The following SH3GL2 variants were observed in gnomAD, a reference collection of about 807,000 sequenced individuals.
SH3GL2 encodes SH3 domain containing GRB2 like 2, endophilin A1.
A neutral mutation model predicts 46.0 loss-of-function variants in SH3GL2; 24 were observed. That is an observed-to-expected ratio of 0.52 (90% CI 0.38 to 0.73). SH3GL2 has a LOEUF of 0.73. SH3GL2 is among the 30% of genes least tolerant of loss of function. The probability of loss-of-function intolerance (pLI) is 0.00; values close to 1 mark genes in which losing one functional copy is unlikely to be tolerated. For missense variants in SH3GL2, 413 were observed against 424.2 expected, an observed-to-expected ratio of 0.97 and a Z score of 0.23; for synonymous variants, 196 against 147.1, an observed-to-expected ratio of 1.33 and a Z score of -2.40.
chr9:17,700,094 C>T (rs1199518510), intron 1 of SH3GL2, among the ~76,000 whole-genome samples: 1 of 152,118 alleles, frequency 6.6e-6, no homozygotes, highest in African/African-American at 2.4e-5. Context: ...AGAAGAAGAA[C>T]ATATGGTCAT....
intron 2 of SH3GL2, among the ~76,000 whole-genome samples, chr9:17,756,266 C>A (rs1350216892): frequency 1.3e-5 from 2 of 151,926 alleles, no homozygotes; most frequent in South Asian, 2.1e-4. Context: ...GTTTTTATTA[C>A]CTAAAAAACA....
intron 1 of SH3GL2, among the ~76,000 whole-genome samples, chr9:17,640,078 A>G (rs1224121816): frequency 2.6e-5 from 4 of 152,172 alleles, no homozygotes; most frequent in Non-Finnish European, 5.9e-5. Context: ...GTTGTGTGCA[A>G]TTATGAACAC....
intron 1 of SH3GL2, among the ~76,000 whole-genome samples, chr9:17,603,825 A>G (rs1189937319): frequency 1.3e-5 from 2 of 152,176 alleles, no homozygotes; most frequent in Non-Finnish European, 2.9e-5. Context: ...AGATCGTGCC[A>G]TTGCACTCCA....
chr9:17,679,268 G>A (rs1410530762), intron 1 of SH3GL2, among the ~76,000 whole-genome samples: 1 of 152,186 alleles, frequency 6.6e-6, no homozygotes, highest in Non-Finnish European at 1.5e-5. Context: ...CCATGAGCAT[G>A]GAATGTTCTT....
chr9:17,722,036 C>T (rs1007252111), intron 1 of SH3GL2, among the ~76,000 whole-genome samples: 4 of 152,040 alleles, frequency 2.6e-5, no homozygotes, highest in African/African-American at 9.7e-5. Flanking sequence ...GAAGGATTCA[C>T]TCTCTCTACG....
intron 1 of SH3GL2, among the ~76,000 whole-genome samples, chr9:17,599,318 G>A (rs1317426408): frequency 6.6e-6 from 1 of 152,166 alleles, no homozygotes; most frequent in Non-Finnish European, 1.5e-5. Context: ...GAGTAGCAAA[G>A]GATCCTAAAG....
chr9:17,621,176 C>T lies in SH3GL2; in HGVS notation c.45+41889C>T, dbSNP rs1819130739. 3.9e-5 allele frequency among the ~76,000 whole-genome samples: 6 copies of T among 152,162 alleles called. No individual in the cohort carries two copies. The South Asian group carries it at 1.2e-3, about 32-fold the overall frequency. ...TATCATGATTTGGGTTATCAATAAT[C>T]TGTGAATGTATAGATTGTTGCCATT... On this transcript the variant is annotated intron_variant, in intron 1 of 8. Coordinates refer to ENST00000380607, the MANE Select transcript of SH3GL2 (RefSeq NM_003026.5).
At chr9:17,659,053 G>C (rs531221553) in intron 1 of SH3GL2, among the ~76,000 whole-genome samples, 2 of 152,200 alleles carry the variant, frequency 1.3e-5, no homozygotes, top group African/African-American at 4.8e-5. Context: ...AATGGTGATG[G>C]AAGATTTCTT....
At chr9:17,743,329 TC>T (rs1307867380) in intron 1 of SH3GL2, among the ~76,000 whole-genome samples, 2 of 152,088 alleles carry the variant, frequency 1.3e-5, no homozygotes, top group Admixed American at 6.5e-5. Context: ...TATTACTTTT[TC>T]CCCCAGGAAT....
intron 8 of SH3GL2, 59 bp from the exon 9 acceptor site, chr9:17,795,485 T>G: frequency 1.3e-5 from 18 of 1,382,526 alleles, no homozygotes; most frequent in Non-Finnish European, 1.5e-5. Flanking sequence ...GCAGATTCTG[T>G]GAGTTAAATA....
intron 1 of SH3GL2, among the ~76,000 whole-genome samples, chr9:17,636,951 T>C (rs775328873): frequency 5.3e-5 from 8 of 152,348 alleles, no homozygotes; most frequent in Middle Eastern, 3.4e-3. Context: ...TGTGATGTGT[T>C]GTTATTGCTA....
chr9:17,600,657 A>G (rs1428572466), intron 1 of SH3GL2, among the ~76,000 whole-genome samples: 2 of 152,200 alleles, frequency 1.3e-5, no homozygotes, highest in Non-Finnish European at 2.9e-5. Context: ...AGAACTACAA[A>G]CAGTTTTTAA....
At chr9:17,724,126 G>A (rs1821963212) in intron 1 of SH3GL2, among the ~76,000 whole-genome samples, 1 of 151,808 alleles carries the variant, frequency 6.6e-6, no homozygotes, top group Non-Finnish European at 1.5e-5. Context: ...GTGTTGGTTT[G>A]CTAACTGCTA....
Position 17,628,196 on chromosome 9 carries a change from G to A in SH3GL2, c.45+48909G>A, listed in dbSNP as rs577471501. Among the ~76,000 whole-genome samples, 14 of 152,212 alleles carry A rather than the reference G, an allele frequency of 9.2e-5. No homozygotes were observed. In the South Asian group the frequency reaches 1.5e-3, roughly 16 times the overall value. On this transcript the variant is annotated intron_variant, in intron 1 of 8. Coordinates refer to ENST00000380607, the MANE Select transcript of SH3GL2 (RefSeq NM_003026.5). ...GACTGTATCTTAAATGAGCCAGAAT[G>A]GATCAGACGTTTAGCATTGTTACTG...
chr9:17,608,740 G>A (rs1286595869), intron 1 of SH3GL2, among the ~76,000 whole-genome samples: 1 of 152,134 alleles, frequency 6.6e-6, no homozygotes, highest in Non-Finnish European at 1.5e-5. Flanking sequence ...ATTCCTGAAG[G>A]TTAAAAACAA....
intron 1 of SH3GL2, among the ~76,000 whole-genome samples, chr9:17,635,015 G>C (rs776869368): frequency 2.0e-5 from 3 of 152,180 alleles, no homozygotes; most frequent in Non-Finnish European, 4.4e-5. Context: ...ACGTGGGCAA[G>C]ATGTGCAGGT....
In SH3GL2 at chr9:17,738,307, G is replaced by A. The variant is rs144452030; in HGVS notation, c.46-8759G>A. On this transcript the variant is annotated intron_variant, in intron 1 of 8. Transcript: ENST00000380607. ...TAATCTGAAAAAAAAATGTGTCATGGCATTTTCTTTTTAAGCACCTTGCAT... is the reference window on the plus strand; with the variant it reads ...TAATCTGAAAAAAAAATGTGTCATGACATTTTCTTTTTAAGCACCTTGCAT... 2.4e-3 allele frequency among the ~76,000 whole-genome samples: 370 copies of A among 151,618 alleles called. 1 individual carries two copies. The highest frequency in any genetic ancestry group is 4.1e-3 in the Non-Finnish European group (276 of 67,892).
chr9:17,731,431 GAGAGAA>G (rs924263110), intron 1 of SH3GL2, among the ~76,000 whole-genome samples: 19 of 151,574 alleles, frequency 1.3e-4, no homozygotes, highest in Non-Finnish European at 1.5e-4. Context: ...AAGAGAGAGA[GAGAGAA>G]AGAGAGAGAG....
At position 17,676,145 on chromosome 9, in the gene SH3GL2, A is replaced by G. The variant is rs148015537; in HGVS notation, c.46-70921A>G. ...GGGCTATGGGTAGACCTAAGTTTTT[A>G]CCCTGCATTGTATCTGAAAAACATA... On this transcript the variant is annotated intron_variant, in intron 1 of 8. Transcript: ENST00000380607. 1.2e-3 allele frequency among the ~76,000 whole-genome samples: 189 copies of G among 152,208 alleles called. 6 individuals are homozygous for G. The East Asian group carries it at 0.027, about 22-fold the overall frequency.
Sources: gnomAD v4.1 joint callset for allele counts (sites outside exome capture counted in the v4.1 genomes callset) on GRCh38, gnomAD v4.1.1 for gene constraint, MANE v1.5 for transcripts, NCBI Gene and HGNC (gene_info 2026-07-23, HGNC 2026-07-21) for gene names.